The following SLC1A7 variants were observed in gnomAD, a reference collection of about 807,000 sequenced individuals.
SLC1A7 encodes excitatory amino acid transporter 5.
Under a neutral mutation model 47.7 loss-of-function variants are expected in SLC1A7, and 40 were observed. The observed-to-expected ratio is 0.84, with a 90% confidence interval of 0.65 to 1.09. The LOEUF (loss-of-function observed/expected upper bound fraction) is 1.09, where lower values mean the gene tolerates loss of function less well. Ranked by LOEUF, SLC1A7 falls within the 50% of genes least tolerant of loss-of-function variation. The probability of loss-of-function intolerance (pLI) is 0.00; values close to 1 mark genes in which losing one functional copy is unlikely to be tolerated. For synonymous variants in SLC1A7, 323 were observed against 325.6 expected, an observed-to-expected ratio of 0.99 and a Z score of 0.09; for missense variants, 746 against 769.5, an observed-to-expected ratio of 0.97 and a Z score of 0.36.
intron 2 of SLC1A7, among the ~76,000 whole-genome samples, chr1:53,121,241 C>T (rs1315731487): frequency 1.3e-5 from 2 of 152,164 alleles, no homozygotes; most frequent in East Asian, 3.9e-4. Context: ...GATGCTGAAC[C>T]AGGGTGACAT....
intron 3 of SLC1A7, among the ~76,000 whole-genome samples, chr1:53,110,422 C>T (rs1644689938): frequency 6.6e-6 from 1 of 150,724 alleles, no homozygotes; most frequent in Non-Finnish European, 1.5e-5. Flanking sequence ...CAACTTGCCT[C>T]TGGGTTGAGA....
At chr1:53,116,405 A>G (rs1644761860) in intron 2 of SLC1A7, among the ~76,000 whole-genome samples, 2 of 152,162 alleles carry the variant, frequency 1.3e-5, no homozygotes, top group Admixed American at 6.5e-5. Flanking sequence ...CCAGGTTCTG[A>G]TTGAATGCTG....
chr1:53,135,588 A>G (rs930980431), intron 1 of SLC1A7, among the ~76,000 whole-genome samples: 1 of 152,334 alleles, frequency 6.6e-6, no homozygotes, highest in South Asian at 2.1e-4. Flanking sequence ...TCTCGCAAGT[A>G]ACAGTCACGT....
rs1417232731 is a variant in SLC1A7, at chr1:53,114,830, G to A, written c.359C>T (p.Ala120Val). The A allele has an allele frequency of 6.2e-7, 1 of 1,614,192 alleles. No individual in the cohort carries two copies. The highest frequency in any genetic ancestry group is 8.5e-7 in the Non-Finnish European group (1 of 1,180,016). Residue 120 changes from alanine (A) to valine (V), a missense_variant, in exon 3 of 11, where the codon GCC (alanine) becomes GTC (valine). Ala to Val is a moderately conservative substitution (Grantham distance 64). Transcript: ENST00000371494. ...MVSIIHPGSA[A>V]QKETTEQSGK... ...ACTCTGCTCCGTGGTCTCCTTCTGG[G>A]CCGCGCTGCCTGGGTGGATGATGGA...
At chr1:53,128,298 G>C (rs1170052490) in intron 2 of SLC1A7, among the ~76,000 whole-genome samples, 1 of 152,188 alleles carries the variant, frequency 6.6e-6, no homozygotes, top group Non-Finnish European at 1.5e-5. Flanking sequence ...AACATAGTGA[G>C]AGCCCCATGT....
In SLC1A7 at chr1:53,099,294, C is replaced by A. The variant is rs1035133531; in HGVS notation, c.697+4052G>T. ...CATACCGTCTCGGTACACACACATACCCCGCCTTGATAGACTGACACACAC... is the reference window on the plus strand; with the variant it reads ...CATACCGTCTCGGTACACACACATAACCCGCCTTGATAGACTGACACACAC... On this transcript the variant is annotated intron_variant, in intron 5 of 10. Coordinates refer to ENST00000371494, the MANE Select transcript of SLC1A7 (RefSeq NM_006671.6). Among the ~76,000 whole-genome samples, 10 of 145,986 alleles carry A rather than the reference C, an allele frequency of 6.8e-5. No individual in the cohort carries two copies. The South Asian group carries it at 9.0e-4, about 13-fold the overall frequency.
chr1:53,089,471 C>G (rs1644395681), intron 9 of SLC1A7, among the ~76,000 whole-genome samples: 1 of 152,150 alleles, frequency 6.6e-6, no homozygotes, highest in Admixed American at 6.6e-5. Context: ...GGGGATTTTA[C>G]TGTGTTGCCC....
chr1:53,107,671 A>G (rs1644658877), intron 3 of SLC1A7, among the ~76,000 whole-genome samples: 1 of 152,242 alleles, frequency 6.6e-6, no homozygotes, highest in African/African-American at 2.4e-5. Flanking sequence ...AAATCTACTA[A>G]GAGCTTTTAC....
intron 2 of SLC1A7, 24 bp downstream of exon 2, chr1:53,134,326 A>G (rs1644969646): frequency 6.3e-7 from 1 of 1,590,654 alleles, no homozygotes; most frequent in East Asian, 2.2e-5. Flanking sequence ...GTTCCGGACC[A>G]CCTGGTCAAA....
intron 5 of SLC1A7, among the ~76,000 whole-genome samples, chr1:53,099,549 C>A (rs1217059166): frequency 2.2e-5 from 2 of 92,094 alleles, no homozygotes; most frequent in Non-Finnish European, 4.9e-5. Flanking sequence ...ACCACAATAC[C>A]CTCACTTTGC....
At chr1:53,091,999 C>T (rs979215960) in intron 7 of SLC1A7, among the ~76,000 whole-genome samples, 1 of 152,228 alleles carries the variant, frequency 6.6e-6, no homozygotes, top group African/African-American at 2.4e-5. Context: ...CAAGGAGGGG[C>T]TCGACCTCCA....
intron 2 of SLC1A7, among the ~76,000 whole-genome samples, chr1:53,131,225 C>T (rs1644939367): frequency 2.0e-5 from 3 of 152,178 alleles, no homozygotes; most frequent in Admixed American, 2.0e-4. Context: ...GCCTTCGTTG[C>T]TGGGTAAAGA....
chr1:53,137,288 A>AAAAAAAAAAAC (rs751006504), intron 1 of SLC1A7, among the ~76,000 whole-genome samples: 1 of 36,968 alleles, frequency 2.7e-5, no homozygotes, highest in Non-Finnish European at 6.1e-5. Flanking sequence ...CGCTATCTCC[A>AAAAAAAAAAAC]AAAAAAAAAA....
chr1:53,121,881 G>A (rs1274125294), intron 2 of SLC1A7, among the ~76,000 whole-genome samples: 13 of 152,158 alleles, frequency 8.5e-5, no homozygotes, highest in Non-Finnish European at 1.5e-4. Context: ...TCAGAAGCCC[G>A]GGGGCTGGTG....
At chr1:53,125,970 T>G (rs1044251021) in intron 2 of SLC1A7, among the ~76,000 whole-genome samples, 4 of 152,224 alleles carry the variant, frequency 2.6e-5, no homozygotes, top group African/African-American at 4.8e-5. Flanking sequence ...GTATTCAGTT[T>G]CAAGTCAGTA....
chr1:53,092,313 C>T (rs971940497), intron 7 of SLC1A7, among the ~76,000 whole-genome samples: 2 of 152,242 alleles, frequency 1.3e-5, no homozygotes, highest in African/African-American at 2.4e-5. Context: ...GCGTCGAGGC[C>T]GCCCCCATGC....
In SLC1A7 at chr1:53,089,852, C is replaced by A. The variant is rs145443647; in HGVS notation, c.1309G>T (p.Val437Leu). The change falls in exon 9 of 11, where the codon GTG (valine) becomes TTG (leucine). Residue 437 changes from valine to leucine, a missense_variant. Val to Leu is a conservative substitution (Grantham distance 32). Transcript: ENST00000371494. ...GTGATGTCATCGGTGGGCAGTCCCA[C>A]GGAGGTGAGCACGATGACCATGGTG... is the stretch of plus-strand genomic sequence containing the variant. ...LVTMVIVLTS[V>L]GLPTDDITLI... 6.2e-7 allele frequency: 1 copy of A among 1,613,902 alleles called. No homozygotes were observed. The highest frequency in any genetic ancestry group is 2.2e-5 in the East Asian group (1 of 44,868).
intron 1 of SLC1A7, among the ~76,000 whole-genome samples, chr1:53,139,899 C>A (rs1354945167): frequency 6.6e-6 from 1 of 152,140 alleles, no homozygotes; most frequent in Non-Finnish European, 1.5e-5. Context: ...CATGGTTTAA[C>A]TGGAAGTCTC....
chr1:53,132,292 G>C (rs923167943), intron 2 of SLC1A7, among the ~76,000 whole-genome samples: 1 of 152,168 alleles, frequency 6.6e-6, no homozygotes, highest in South Asian at 2.1e-4. Context: ...GAAGTGAGGC[G>C]AGGAGACCAG....
Sources: allele counts gnomAD v4.1 joint callset (sites outside exome capture counted in the v4.1 genomes callset), GRCh38; gene constraint gnomAD v4.1.1; transcripts MANE v1.5; gene names NCBI Gene and HGNC (gene_info 2026-07-23, HGNC 2026-07-21).